The following C1orf141 variants were observed in gnomAD, a reference collection of about 807,000 sequenced individuals.
C1orf141 encodes chromosome 1 open reading frame 141.
A neutral mutation model predicts 23.2 loss-of-function variants in C1orf141; 19 were observed. That is an observed-to-expected ratio of 0.82 (90% CI 0.57 to 1.20). The LOEUF (loss-of-function observed/expected upper bound fraction) is 1.20. Among genes scored for constraint, C1orf141 ranks in the 50% most tolerant of loss-of-function variants. The probability of loss-of-function intolerance (pLI) is 0.00; values close to 1 mark genes in which losing one functional copy is unlikely to be tolerated. For missense variants in C1orf141, 469 were observed against 455.1 expected, an observed-to-expected ratio of 1.03 and a Z score of -0.28; for synonymous variants, 153 against 154.6, an observed-to-expected ratio of 0.99 and a Z score of 0.08.
intron 5 of C1orf141, among the ~76,000 whole-genome samples, chr1:67,103,001 A>G (rs963213547): frequency 4.6e-5 from 7 of 152,186 alleles, no homozygotes; most frequent in African/African-American, 1.7e-4. Flanking sequence ...GACAACAGAC[A>G]ATGAATCAAA....
intron 5 of C1orf141, among the ~76,000 whole-genome samples, chr1:67,108,395 C>A (rs1420332220): frequency 6.6e-6 from 1 of 152,160 alleles, no homozygotes; most frequent in African/African-American, 2.4e-5. Context: ...ATGACCTAAT[C>A]ACCTCCTAAA....
intron 3 of C1orf141, among the ~76,000 whole-genome samples, 194 bp downstream of exon 3, chr1:67,126,972 C>A (rs935664447): frequency 2.0e-5 from 3 of 152,114 alleles, no homozygotes; most frequent in African/African-American, 7.2e-5. Flanking sequence ...TGGGATGATT[C>A]GTTGAAACTT....
upstream of C1orf141, among the ~76,000 whole-genome samples, chr1:67,138,008 G>T (rs941443074): frequency 6.6e-6 from 1 of 152,098 alleles, no homozygotes; most frequent in Non-Finnish European, 1.5e-5. Flanking sequence ...ACATCTTTAA[G>T]TTTCTTCTTC....
At chr1:67,123,644 C>G (rs1235462798) in intron 4 of C1orf141, 1 of 152,148 alleles carries the variant, frequency 6.6e-6, no homozygotes, top group Non-Finnish European at 1.5e-5. Context: ...GACTGAGATA[C>G]AATTACTTTT....
chr1:67,132,735 T>C (rs1646537884), intron 1 of C1orf141, among the ~76,000 whole-genome samples: 1 of 152,240 alleles, frequency 6.6e-6, no homozygotes, highest in Non-Finnish European at 1.5e-5. Flanking sequence ...TAATAAATGA[T>C]GTTACTTCAT....
In C1orf141 at chr1:67,093,752, C is replaced by T. The variant is rs923357701; in HGVS notation, c.604-148G>A. On this transcript the variant is annotated intron_variant, in intron 7 of 7. Transcript: ENST00000684719. ...TATGAACAGTAGCATTATTCAAATACATGAAAATACTGTACTTGTATGTAA... is the reference window on the plus strand; with the variant it reads ...TATGAACAGTAGCATTATTCAAATATATGAAAATACTGTACTTGTATGTAA... The T allele has an allele frequency of 2.1e-5, 11 of 520,794 alleles. No homozygotes were observed. The African/African-American group carries it at 2.1e-4, about 10-fold the overall frequency. The allele number at this position is 520,794 out of a possible 1,614,324, so 32.3% of individuals were successfully genotyped here.
At chr1:67,108,852 G>T (rs916403894) in intron 5 of C1orf141, among the ~76,000 whole-genome samples, 2 of 152,112 alleles carry the variant, frequency 1.3e-5, no homozygotes, top group Non-Finnish European at 2.9e-5. Flanking sequence ...CTAATTATCA[G>T]GGAAATGCAA....
At chr1:67,132,140 GT>G (rs1366265386) in intron 1 of C1orf141, among the ~76,000 whole-genome samples, 5 of 151,162 alleles carry the variant, frequency 3.3e-5, no homozygotes, top group Non-Finnish European at 7.4e-5. Flanking sequence ...TCTATTTATT[GT>G]GTGCTCCTGG....
At chr1:67,140,235 A>G (rs893302224) in intron 1 of C1orf141, among the ~76,000 whole-genome samples, 3 of 152,230 alleles carry the variant, frequency 2.0e-5, no homozygotes, top group Non-Finnish European at 2.9e-5. Flanking sequence ...CAAAATATTT[A>G]AAGTAAAAAA....
chr1:67,135,943 A>T (rs1646582125), upstream of C1orf141, among the ~76,000 whole-genome samples: 1 of 147,520 alleles, frequency 6.8e-6, no homozygotes, highest in Non-Finnish European at 1.5e-5. Context: ...GTTATGTAGC[A>T]ATCCAAATTT....
rs573101201 is a variant in C1orf141, at chr1:67,103,406, A to C, written c.347-7085T>G. 81 of 1,327,790 alleles carry C rather than the reference A, an allele frequency of 6.1e-5. No individual in the cohort carries two copies. The South Asian group carries it at 1.7e-3, about 27-fold the overall frequency. The allele number at this position is 1,327,790 out of a possible 1,614,324, so 82.3% of individuals were successfully genotyped here. ...ATCTAAACATCAGGAAAAATGGAAA[A>C]TTATCTTAGAAACTATTTCTTTCCG... On this transcript the variant is annotated intron_variant, in intron 5 of 7. Coordinates refer to ENST00000684719, the MANE Select transcript of C1orf141 (RefSeq NM_001276351.2).
At chr1:67,127,709 A>T (rs1204330584) in intron 2 of C1orf141, among the ~76,000 whole-genome samples, 1 of 152,124 alleles carries the variant, frequency 6.6e-6, no homozygotes, top group Non-Finnish European at 1.5e-5. Flanking sequence ...ATCTTGGCTC[A>T]CTGCAACCTC....
At chr1:67,130,113 G>C (rs2102504850) in intron 2 of C1orf141, among the ~76,000 whole-genome samples, 1 of 152,206 alleles carries the variant, frequency 6.6e-6, no homozygotes, top group Admixed American at 6.5e-5. Flanking sequence ...TGATTATGTG[G>C]ACATATTTTC....
chr1:67,118,650 C>T (rs950684174), intron 4 of C1orf141, among the ~76,000 whole-genome samples: 2 of 152,102 alleles, frequency 1.3e-5, no homozygotes, highest in African/African-American at 2.4e-5. Flanking sequence ...AAATCTCTAA[C>T]GTTATGGTAT....
At chr1:67,140,798 C>A (rs1646629937) in intron 1 of C1orf141, among the ~76,000 whole-genome samples, 1 of 152,148 alleles carries the variant, frequency 6.6e-6, no homozygotes, top group African/African-American at 2.4e-5. Context: ...TTATTGAATT[C>A]TCACTTATTA....
Position 67,096,156 on chromosome 1 carries a change from A to G in C1orf141, c.416+96T>C, listed in dbSNP as rs1220862691. Reference sequence around the variant, plus strand: ...GGATTGTGCTGTGGAACTAAATAATAAGGCAGAATAAATTTATTCCTGTCA... The same window carrying G: ...GGATTGTGCTGTGGAACTAAATAATGAGGCAGAATAAATTTATTCCTGTCA... On this transcript the variant is annotated intron_variant, in intron 6 of 7. Transcript: ENST00000684719. 8.8e-5 allele frequency: 59 copies of G among 672,316 alleles called. No homozygotes were observed. The East Asian group carries it at 1.7e-3, about 19-fold the overall frequency. The allele number at this position is 672,316 out of a possible 1,614,324, so 41.6% of individuals were successfully genotyped here.
chr1:67,128,721 G>A (rs1646465765), intron 2 of C1orf141, among the ~76,000 whole-genome samples: 1 of 151,864 alleles, frequency 6.6e-6, no homozygotes, highest in Non-Finnish European at 1.5e-5. Flanking sequence ...AAAAAAAATT[G>A]TGTAGATGAC....
intron 1 of C1orf141, among the ~76,000 whole-genome samples, chr1:67,131,786 C>CTTTT (rs796496335): frequency 9.5e-4 from 115 of 121,468 alleles, no homozygotes; most frequent in African/African-American, 2.1e-3. Flanking sequence ...ACTACCTCTT[C>CTTTT]TTTTTTTTTT....
intron 5 of C1orf141, chr1:67,102,855 G>GTT: frequency 6.7e-6 from 1 of 149,122 alleles, no homozygotes; most frequent in Non-Finnish European, 1.5e-5. Flanking sequence ...TGGACTTCTT[G>GTT]TTTTTTTTTT....
Sources: allele counts gnomAD v4.1 joint callset (sites outside exome capture counted in the v4.1 genomes callset), GRCh38; gene constraint gnomAD v4.1.1; transcripts MANE v1.5; gene names NCBI Gene and HGNC (gene_info 2026-07-23, HGNC 2026-07-21).